Variants in SEC14L1 observed in about 807,000 individuals in gnomAD.
SEC14L1 encodes the protein SEC14 like lipid binding 1.
SEC14L1 carries 48 observed loss-of-function variants against 85.3 expected under a neutral mutation model. The ratio of observed to expected loss-of-function variants is 0.56; its 90% CI spans 0.45 to 0.72. The LOEUF (loss-of-function observed/expected upper bound fraction) is 0.72, where lower values mean the gene tolerates loss of function less well. Ranked by LOEUF, SEC14L1 falls within the 30% of genes least tolerant of loss-of-function variation. SEC14L1 has a pLI of 0.00. For synonymous variants in SEC14L1, 391 were observed against 355.5 expected (o/e 1.10, Z -1.12); for missense variants, 682 against 921.4 (o/e 0.74, Z 3.36).
intron 2 of SEC14L1, among the ~76,000 whole-genome samples, 182 bp from the exon 3 acceptor site, chr17:77,143,381 ATTGT>A (rs1179424163): frequency 2.0e-5 from 3 of 152,056 alleles, no homozygotes; most frequent in Non-Finnish European, 4.4e-5. Flanking sequence ...GCTTTTTCTT[ATTGT>A]TTAATTACCT....
chr17:77,169,084 C>CCAGTTGGACTAGGG (rs1974419405), intron 3 of SEC14L1, among the ~76,000 whole-genome samples: 1 of 137,720 alleles, frequency 7.3e-6, no homozygotes, highest in African/African-American at 2.8e-5. Context: ...AGTGAAAGGG[C>CCAGTTGGACTAGGG]CAGTTGGACT....
intron 8 of SEC14L1, among the ~76,000 whole-genome samples, chr17:77,198,241 T>C (rs1225662984): frequency 6.6e-6 from 1 of 152,216 alleles, no homozygotes; most frequent in African/African-American, 2.4e-5. Flanking sequence ...AAATACAAAA[T>C]ACAGGTGAGT....
chr17:77,211,015 C>G (rs1976724779), intron 14 of SEC14L1: 1 of 152,426 alleles, frequency 6.6e-6, no homozygotes, highest in African/African-American at 2.4e-5. Context: ...TGGGGAGCCA[C>G]TTTGCTGAAG....
intron 3 of SEC14L1, chr17:77,180,899 G>A (rs1004435768): frequency 6.6e-6 from 1 of 152,214 alleles, no homozygotes; most frequent in Non-Finnish European, 1.5e-5. Context: ...CGGTTTACCA[G>A]TGAACTAAAC....
chr17:77,179,271 C>T (rs1243791266), intron 3 of SEC14L1, among the ~76,000 whole-genome samples: 1 of 152,080 alleles, frequency 6.6e-6, no homozygotes, highest in Non-Finnish European at 1.5e-5. Flanking sequence ...TGAAGGCAGG[C>T]ATTGAGAGAG....
chr17:77,177,639 T>G (rs2143719442), intron 3 of SEC14L1, among the ~76,000 whole-genome samples: 1 of 152,252 alleles, frequency 6.6e-6, no homozygotes, highest in South Asian at 2.1e-4. Flanking sequence ...AATCTGAAAC[T>G]GACCCCCTCT....
intron 3 of SEC14L1, among the ~76,000 whole-genome samples, chr17:77,095,681 G>C (rs535937117): frequency 1.3e-5 from 2 of 152,058 alleles, no homozygotes; most frequent in African/African-American, 4.8e-5. Flanking sequence ...ACCAGGTGTC[G>C]TGGCAGGCAC....
intron 9 of SEC14L1, among the ~76,000 whole-genome samples, chr17:77,201,077 C>T (rs1051454682): frequency 1.3e-5 from 2 of 152,210 alleles, no homozygotes; most frequent in Non-Finnish European, 2.9e-5. Flanking sequence ...CGGTTCAGCC[C>T]GGTTTTCTAC....
At position 77,212,217 on chromosome 17, in the gene SEC14L1, G is replaced by A. The variant is rs776493367; in HGVS notation, c.1863+16G>A. 6.2e-7 allele frequency: 1 copy of A among 1,611,310 alleles called. No individual in the cohort carries two copies. ...AAGCGTGCAGGTAAAATCACACACAGGTCAAATCGCGCATCCGTGACTCCA... is the reference window on the plus strand; with the variant it reads ...AAGCGTGCAGGTAAAATCACACACAAGTCAAATCGCGCATCCGTGACTCCA... On this transcript the variant is annotated intron_variant, in intron 15 of 16. Transcript: ENST00000436233.
intron 3 of SEC14L1, among the ~76,000 whole-genome samples, chr17:77,177,704 T>C (rs1372974172): frequency 6.6e-6 from 1 of 152,180 alleles, no homozygotes; most frequent in Non-Finnish European, 1.5e-5. Context: ...TAGCCAAATG[T>C]AGACATGCTA....
At chr17:77,202,936 TAA>T (rs11349959) in intron 9 of SEC14L1, among the ~76,000 whole-genome samples, 94 of 133,950 alleles carry the variant, frequency 7.0e-4, no homozygotes, top group African/African-American at 8.0e-4. Context: ...AATAAAAAAA[TAA>T]AAAAAAAAAA....
At chr17:77,174,719 C>G (rs1974675517) in intron 3 of SEC14L1, among the ~76,000 whole-genome samples, 1 of 152,166 alleles carries the variant, frequency 6.6e-6, no homozygotes, top group Non-Finnish European at 1.5e-5. Context: ...GAATGGGAAT[C>G]CTGGATGGGC....
At chr17:77,162,993 T>C (rs568771718) in intron 3 of SEC14L1, among the ~76,000 whole-genome samples, 2 of 152,150 alleles carry the variant, frequency 1.3e-5, no homozygotes, top group Admixed American at 6.5e-5. Flanking sequence ...TTGAGAATAT[T>C]GGCCACGTAC....
chr17:77,157,118 T>C (rs537342161), intron 3 of SEC14L1, among the ~76,000 whole-genome samples: 12 of 152,244 alleles, frequency 7.9e-5, no homozygotes, highest in African/African-American at 2.6e-4. Flanking sequence ...TCACAAAATG[T>C]GTGTGTTTCT....
intron 3 of SEC14L1, among the ~76,000 whole-genome samples, chr17:77,155,632 C>T (rs1056892045): frequency 7.9e-5 from 12 of 152,230 alleles, no homozygotes; most frequent in African/African-American, 2.9e-4. Flanking sequence ...CACTCTTCTG[C>T]TCGTCCTTGG....
At chr17:77,159,841 C>T (rs1160672773) in intron 3 of SEC14L1, among the ~76,000 whole-genome samples, 2 of 151,674 alleles carry the variant, frequency 1.3e-5, no homozygotes, top group African/African-American at 2.4e-5. Flanking sequence ...CATGTAAAAG[C>T]TGGTGTGGAA....
chr17:77,139,312 C>T (rs1354743992), upstream of SEC14L1, among the ~76,000 whole-genome samples: 1 of 151,982 alleles, frequency 6.6e-6, no homozygotes, highest in Non-Finnish European at 1.5e-5. Flanking sequence ...GCTGGGATTA[C>T]AGGCATCTGG....
At chr17:77,158,733 A>G (rs1224857949) in intron 3 of SEC14L1, among the ~76,000 whole-genome samples, 1 of 133,676 alleles carries the variant, frequency 7.5e-6, no homozygotes, top group Non-Finnish European at 1.6e-5. Flanking sequence ...GGTTGTTTCT[A>G]CCTTTTGGCT....
At chr17:77,182,078 C>T (rs754229858) in intron 3 of SEC14L1, among the ~76,000 whole-genome samples, 49 of 151,942 alleles carry the variant, frequency 3.2e-4, no homozygotes, top group African/African-American at 1.1e-3. Flanking sequence ...GTTTGAGGGT[C>T]GTGTCTGATG....
Sources: allele counts gnomAD v4.1 joint callset (sites outside exome capture counted in the v4.1 genomes callset), GRCh38; gene constraint gnomAD v4.1.1; transcripts MANE v1.5; gene names NCBI Gene and HGNC (gene_info 2026-07-23, HGNC 2026-07-21).